SLC25A48: variants seen among roughly 807,000 people sequenced by gnomAD.
SLC25A48 encodes the protein CTC-321K16.1.
In SLC25A48, 29 loss-of-function variants were observed where a neutral mutation model predicts 32.2. That is an observed-to-expected ratio of 0.90 (90% confidence interval 0.67 to 1.23). The LOEUF (loss-of-function observed/expected upper bound fraction) is 1.23, where lower values mean the gene tolerates loss of function less well. SLC25A48 is among the 50% of genes most tolerant of loss of function. SLC25A48 has a pLI of 0.00. For synonymous variants in SLC25A48, 164 were observed against 172.3 expected, an observed-to-expected ratio of 0.95 and a Z score of 0.38; for missense variants, 399 against 422.7, an observed-to-expected ratio of 0.94 and a Z score of 0.49.
chr5:135,658,902 G>A (rs923205668), intron 3 of SLC25A48, among the ~76,000 whole-genome samples: 3 of 152,236 alleles, frequency 2.0e-5, no homozygotes, highest in Admixed American at 1.3e-4. Context: ...TCTTGAGGCT[G>A]CACAGAGCAG....
intron 3 of SLC25A48, among the ~76,000 whole-genome samples, chr5:135,728,991 C>G (rs1027024622): frequency 6.6e-6 from 1 of 152,098 alleles, no homozygotes; most frequent in African/African-American, 2.4e-5. Context: ...TCCTGTAGTT[C>G]AGAGCTCTGT....
At chr5:135,595,789 A>G (rs2126879699) in intron 1 of SLC25A48, among the ~76,000 whole-genome samples, 1 of 152,370 alleles carries the variant, frequency 6.6e-6, no homozygotes, top group East Asian at 1.9e-4. Context: ...AAAGCCCATG[A>G]CAGTGACTGG....
At chr5:135,641,061 C>T (rs560946710) in intron 3 of SLC25A48, among the ~76,000 whole-genome samples, 81 of 152,278 alleles carry the variant, frequency 5.3e-4, no homozygotes, top group African/African-American at 1.9e-3. Flanking sequence ...TCTTTATTCA[C>T]AAGCAATGTC....
rs572276253 is a variant in SLC25A48, at chr5:135,743,104, C to A, written c.-520-69419C>A. Among the ~76,000 whole-genome samples the A allele has an allele frequency of 4.9e-4, 48 of 98,832 alleles. 2 individuals are homozygous for A. The highest frequency in any genetic ancestry group is 1.1e-3 in the East Asian group (3 of 2,822). The allele number at this position is 98,832 out of a possible 152,430, so 64.8% of individuals were successfully genotyped here. A position where few individuals can be genotyped will look rare whatever the true frequency, so the allele number is the denominator to read the frequency against. On this transcript the variant is annotated intron_variant, in intron 3 of 10. Transcript: ENST00000646290. ...TTTTTTTTTTTTTTTGACAGAGTCT[C>A]ACTCTGTCATCCAGGCTGGAGTACA... is the stretch of plus-strand genomic sequence containing the variant.
chr5:135,601,639 G>A (rs1751798192), intron 1 of SLC25A48, among the ~76,000 whole-genome samples: 2 of 152,138 alleles, frequency 1.3e-5, no homozygotes, highest in South Asian at 4.2e-4. Flanking sequence ...TCTCTGGTGG[G>A]TCCCACTCCG....
exon 4 of SLC25A48, chr5:135,812,798 C>T (rs1172901339): frequency 6.6e-6 from 1 of 151,182 alleles, no homozygotes; most frequent in African/African-American, 2.4e-5. Context: ...CCCCAGCTGC[C>T]CATGTACACC....
At chr5:135,645,725 A>C (rs997377741) in intron 3 of SLC25A48, among the ~76,000 whole-genome samples, 42 of 152,204 alleles carry the variant, frequency 2.8e-4, no homozygotes, top group Admixed American at 2.7e-3. Flanking sequence ...TCAGTGGCTC[A>C]TGTTTTACTA....
chr5:135,832,933 C>A (rs549175082), upstream of SLC25A48, among the ~76,000 whole-genome samples: 16 of 152,318 alleles, frequency 1.1e-4, no homozygotes, highest in Admixed American at 4.6e-4. Flanking sequence ...CTGCCCTGCC[C>A]TCTCCCGAGT....
intron 1 of SLC25A48, among the ~76,000 whole-genome samples, chr5:135,835,502 G>T (rs1050282608): frequency 1.3e-5 from 2 of 152,012 alleles, no homozygotes; most frequent in Non-Finnish European, 2.9e-5. Context: ...GGCACTGTTG[G>T]GTCTGCTGAT....
intron 3 of SLC25A48, among the ~76,000 whole-genome samples, chr5:135,698,107 C>T (rs1754309431): frequency 6.6e-6 from 1 of 152,244 alleles, no homozygotes; most frequent in African/African-American, 2.4e-5. Flanking sequence ...ACATTATCTA[C>T]CAAGTTGTCA....
chr5:135,763,102 G>A (rs1033616880), intron 3 of SLC25A48, among the ~76,000 whole-genome samples: 1 of 152,102 alleles, frequency 6.6e-6, no homozygotes, highest in Admixed American at 6.6e-5. Context: ...AGGCATGGGA[G>A]TCATCCAGGA....
At chr5:135,715,513 A>G (rs1319637072) in intron 3 of SLC25A48, among the ~76,000 whole-genome samples, 2 of 152,222 alleles carry the variant, frequency 1.3e-5, no homozygotes, top group Admixed American at 1.3e-4. Flanking sequence ...TTTGTGGGCT[A>G]TTACAGACAC....
intron 1 of SLC25A48, among the ~76,000 whole-genome samples, chr5:135,604,178 G>A (rs1475193319): frequency 1.3e-5 from 2 of 152,188 alleles, no homozygotes; most frequent in East Asian, 3.9e-4. Context: ...ACCCCAGCCC[G>A]TCTGAGTCCA....
intron 3 of SLC25A48, among the ~76,000 whole-genome samples, chr5:135,672,870 T>C (rs1016007476): frequency 6.6e-6 from 1 of 152,104 alleles, no homozygotes; most frequent in Admixed American, 6.6e-5. Context: ...GTAAATCCCT[T>C]CCTCCCTCCA....
At chr5:135,624,878 A>G (rs886248584) in intron 1 of SLC25A48, among the ~76,000 whole-genome samples, 1 of 152,172 alleles carries the variant, frequency 6.6e-6, no homozygotes, top group African/African-American at 2.4e-5. Context: ...GTCGATCCCA[A>G]TCTGGTGACA....
intron 3 of SLC25A48, among the ~76,000 whole-genome samples, chr5:135,810,802 C>T (rs1199695773): frequency 1.3e-5 from 2 of 152,212 alleles, no homozygotes. Context: ...TAGGGAACGT[C>T]TTTTCCAGAA....
intron 4 of SLC25A48, among the ~76,000 whole-genome samples, chr5:135,816,375 C>T (rs762845493): frequency 1.3e-5 from 2 of 152,132 alleles, no homozygotes; most frequent in South Asian, 2.1e-4. Context: ...CATCTAAAAT[C>T]GTTTTTCATA....
chr5:135,583,171 A>AGTGT (rs35679412), intron 1 of SLC25A48, among the ~76,000 whole-genome samples: 1,734 of 150,564 alleles, frequency 0.012, 18 homozygotes, highest in African/African-American at 0.028. Flanking sequence ...CATGTGAGAA[A>AGTGT]GTGTGTGTGC....
At chr5:135,788,528 C>T (rs1243740173) in intron 3 of SLC25A48, among the ~76,000 whole-genome samples, 5 of 150,032 alleles carry the variant, frequency 3.3e-5, no homozygotes, top group Non-Finnish European at 7.4e-5. Flanking sequence ...CCATATGGTC[C>T]GTAATATCCA....
Sources: gnomAD v4.1 joint callset for allele counts (sites outside exome capture counted in the v4.1 genomes callset) on GRCh38, gnomAD v4.1.1 for gene constraint, MANE v1.5 for transcripts, NCBI Gene and HGNC (gene_info 2026-07-23, HGNC 2026-07-21) for gene names.